Variants in TMEM131 observed in about 807,000 individuals in gnomAD.
The protein encoded by TMEM131 is 2610524E03Rik.
A neutral mutation model predicts 211.6 loss-of-function variants in TMEM131; 66 were observed. The ratio of observed to expected loss-of-function variants is 0.31; its 90% CI spans 0.26 to 0.38. TMEM131 has a LOEUF of 0.38. Among genes scored for constraint, TMEM131 ranks in the 10% least tolerant of loss-of-function variants. TMEM131 has a pLI of 1.00. For missense variants in TMEM131, 2,036 were observed against 2,299.3 expected, an observed-to-expected ratio of 0.89 and a Z score of 2.34; for synonymous variants, 844 against 841.3, an observed-to-expected ratio of 1.00 and a Z score of -0.06.
intron 6 of TMEM131, among the ~76,000 whole-genome samples, chr2:97,842,301 G>C (rs1234450147): frequency 6.6e-6 from 1 of 152,108 alleles, no homozygotes; most frequent in East Asian, 1.9e-4. Flanking sequence ...CCAGCCCCAG[G>C]TCATTCCCAC....
intron 4 of TMEM131, among the ~76,000 whole-genome samples, chr2:97,865,202 A>G (rs189859106): frequency 2.0e-5 from 3 of 152,378 alleles, no homozygotes; most frequent in Admixed American, 6.5e-5. Flanking sequence ...ACAGTAGCTC[A>G]TAAGTTCACA....
chr2:97,825,893 G>C (rs12712147), intron 11 of TMEM131, among the ~76,000 whole-genome samples: 53,153 of 152,094 alleles, frequency 0.35, 10,119 homozygotes, highest in Middle Eastern at 0.49. Context: ...AAATGGCATA[G>C]TAGGTGCCAA....
intron 1 of TMEM131, among the ~76,000 whole-genome samples, chr2:97,950,286 A>T (rs1678248083): frequency 6.6e-6 from 1 of 152,244 alleles, no homozygotes; most frequent in South Asian, 2.1e-4. Flanking sequence ...CATTAACTAT[A>T]ATCAAATACA....
intron 4 of TMEM131, among the ~76,000 whole-genome samples, chr2:97,872,088 A>C (rs1308439918): frequency 6.6e-6 from 1 of 152,162 alleles, no homozygotes; most frequent in Non-Finnish European, 1.5e-5. Context: ...GTAGGCTTAA[A>C]GAATAAATTT....
At chr2:97,919,582 T>G (rs1242020304) in intron 2 of TMEM131, among the ~76,000 whole-genome samples, 1 of 152,226 alleles carries the variant, frequency 6.6e-6, no homozygotes, top group Non-Finnish European at 1.5e-5. Flanking sequence ...TGACTTTTCT[T>G]TTTTTGAGAT....
chr2:97,909,618 GA>G (rs1573543378), intron 2 of TMEM131, among the ~76,000 whole-genome samples: 1 of 152,104 alleles, frequency 6.6e-6, no homozygotes, highest in Non-Finnish European at 1.5e-5. Context: ...ATCAAAATGA[GA>G]AAAAACAGCA....
intron 31 of TMEM131, among the ~76,000 whole-genome samples, chr2:97,780,962 G>A (rs948529447): frequency 2.0e-5 from 3 of 152,036 alleles, no homozygotes; most frequent in African/African-American, 4.8e-5. Context: ...CAGGTTCGTC[G>A]GGTTCACACC....
intron 1 of TMEM131, among the ~76,000 whole-genome samples, chr2:97,950,091 T>C (rs903121630): frequency 1.3e-5 from 2 of 152,160 alleles, no homozygotes; most frequent in Admixed American, 1.3e-4. Context: ...TTACGTGTCT[T>C]TCTTACAGAA....
chr2:97,918,350 A>G (rs1179767206), intron 2 of TMEM131, among the ~76,000 whole-genome samples: 1 of 152,208 alleles, frequency 6.6e-6, no homozygotes, highest in African/African-American at 2.4e-5. Flanking sequence ...CACTCTTATT[A>G]TTAAGAAAAT....
At chr2:97,877,968 G>T (rs1441326203) in intron 4 of TMEM131, among the ~76,000 whole-genome samples, 1 of 152,132 alleles carries the variant, frequency 6.6e-6, no homozygotes, top group Non-Finnish European at 1.5e-5. Context: ...CTGACAAAGG[G>T]CTAACATCCA....
At chr2:97,964,665 A>G (rs1173036142) in intron 1 of TMEM131, among the ~76,000 whole-genome samples, 1 of 152,208 alleles carries the variant, frequency 6.6e-6, no homozygotes, top group African/African-American at 2.4e-5. Context: ...CGAAACAGAA[A>G]TAACCCAAGT....
chr2:97,833,481 T>C, intron 10 of TMEM131, 55 bp from the exon 11 acceptor site: 2 of 784,748 alleles, frequency 2.5e-6, no homozygotes, highest in South Asian at 3.3e-5. Context: ...TTAGCCAAGT[T>C]AGAATCTTTA....
intron 1 of TMEM131, among the ~76,000 whole-genome samples, chr2:97,935,386 A>T (rs572541048): frequency 6.6e-6 from 1 of 152,208 alleles, no homozygotes; most frequent in Admixed American, 6.5e-5. Context: ...ATAACTTCTT[A>T]TAACAGTGTA....
Position 97,838,426 on chromosome 2 carries a change from C to CTT in TMEM131, c.724-1271_724-1270dup, listed in dbSNP as rs753635047. Among the ~76,000 whole-genome samples, 243 of 89,062 alleles carry CTT rather than the reference C, an allele frequency of 2.7e-3. 25 individuals are homozygous for CTT. Among genetic ancestry groups the CTT allele is most frequent in the African/African-American group, 7.8e-3 (184 of 23,488 alleles). 58.4% of individuals were successfully genotyped at this position (89,062 alleles called of 152,430 possible). The stretch of plus-strand genomic sequence containing the variant: ...AAAAATGGCAATTCTTAAGCTTAAA[C>CTT]TTTTTTTTTTTTTTTTTTTTTTTTT... On this transcript the variant is annotated intron_variant, in intron 7 of 40. Coordinates refer to ENST00000186436, the MANE Select transcript of TMEM131 (RefSeq NM_015348.2).
chr2:97,888,429 T>C (rs1573513844), intron 3 of TMEM131, among the ~76,000 whole-genome samples: 1 of 152,256 alleles, frequency 6.6e-6, no homozygotes, highest in Admixed American at 6.5e-5. Context: ...ATAGGTCGCT[T>C]GGATTTTCTG....
At chr2:97,861,182 T>C (rs1163212904) in intron 4 of TMEM131, among the ~76,000 whole-genome samples, 3 of 148,546 alleles carry the variant, frequency 2.0e-5, no homozygotes, top group Non-Finnish European at 3.1e-5. Flanking sequence ...CTAAATAAAT[T>C]TGAAAGGCAG....
intron 3 of TMEM131, among the ~76,000 whole-genome samples, chr2:97,893,668 T>C (rs1279820413): frequency 1.3e-5 from 2 of 152,138 alleles, no homozygotes; most frequent in Non-Finnish European, 2.9e-5. Context: ...TTAAATATGT[T>C]TGTTGGCCGC....
chr2:97,953,586 A>C (rs1291090820), intron 1 of TMEM131, among the ~76,000 whole-genome samples: 5 of 152,202 alleles, frequency 3.3e-5, no homozygotes, highest in South Asian at 2.1e-4. Context: ...TCAACACTTC[A>C]CTGTCAGCAA....
At chr2:97,887,040 G>C (rs1029467566) in intron 4 of TMEM131, among the ~76,000 whole-genome samples, 7 of 152,186 alleles carry the variant, frequency 4.6e-5, no homozygotes, top group Non-Finnish European at 4.4e-5. Context: ...CAGATGGCTT[G>C]GGTGTCTGTT....
Sources: allele counts gnomAD v4.1 joint callset (sites outside exome capture counted in the v4.1 genomes callset), GRCh38; gene constraint gnomAD v4.1.1; transcripts MANE v1.5; gene names NCBI Gene and HGNC (gene_info 2026-07-23, HGNC 2026-07-21).